PLD5: variants seen among roughly 807,000 people sequenced by gnomAD.
PLD5 encodes inactive phospholipase D5.
Under a neutral mutation model 61.1 loss-of-function variants are expected in PLD5, and 36 were observed. The observed-to-expected ratio is 0.59, with a 90% confidence interval of 0.45 to 0.78. PLD5 has a LOEUF of 0.78. PLD5 is among the 30% of genes least tolerant of loss of function. The probability of loss-of-function intolerance (pLI) is 0.00; values close to 1 mark genes in which losing one functional copy is unlikely to be tolerated. For missense variants in PLD5, 515 were observed against 644.4 expected (o/e 0.80, Z 2.17); for synonymous variants, 243 against 242.8 (o/e 1.00, Z -0.01).
chr1:242,373,306 G>T (rs1296486043), intron 1 of PLD5, among the ~76,000 whole-genome samples: 2 of 152,186 alleles, frequency 1.3e-5, no homozygotes, highest in Non-Finnish European at 2.9e-5. Flanking sequence ...AACAACAGGT[G>T]CTGGAGAGGA....
chr1:242,374,254 A>G (rs965699028), intron 1 of PLD5, among the ~76,000 whole-genome samples: 3 of 152,200 alleles, frequency 2.0e-5, no homozygotes, highest in African/African-American at 7.2e-5. Flanking sequence ...ACACAGAATA[A>G]GTTATTAGAA....
chr1:242,427,952 C>A (rs2102883571), intron 1 of PLD5, among the ~76,000 whole-genome samples: 1 of 152,248 alleles, frequency 6.6e-6, no homozygotes, highest in African/African-American at 2.4e-5. Flanking sequence ...ATGGTAGGAC[C>A]AGGGAGGTTA....
chr1:242,448,458 C>A (rs190451958), intron 1 of PLD5, among the ~76,000 whole-genome samples: 2 of 152,306 alleles, frequency 1.3e-5, no homozygotes, highest in Admixed American at 6.5e-5. Flanking sequence ...CAGTAATAGG[C>A]TTTATCTTCT....
chr1:242,495,557 A>G (rs1315453137), intron 1 of PLD5, among the ~76,000 whole-genome samples: 1 of 152,186 alleles, frequency 6.6e-6, no homozygotes, highest in Non-Finnish European at 1.5e-5. Context: ...TTTCTATTTT[A>G]GAACGTCTTT....
chr1:242,177,466 G>A (rs1177980673), intron 5 of PLD5, among the ~76,000 whole-genome samples: 1 of 152,116 alleles, frequency 6.6e-6, no homozygotes, highest in East Asian at 1.9e-4. Context: ...CCTAATGTAG[G>A]TGACGGGTTG....
chr1:242,302,945 T>C (rs1229220603), intron 2 of PLD5, among the ~76,000 whole-genome samples: 2 of 152,040 alleles, frequency 1.3e-5, no homozygotes, highest in South Asian at 4.1e-4. Context: ...AAAAGTAGAG[T>C]CTGGACATGG....
At chr1:242,186,506 T>A (rs1412527929) in intron 5 of PLD5, among the ~76,000 whole-genome samples, 1 of 152,136 alleles carries the variant, frequency 6.6e-6, no homozygotes, top group South Asian at 2.1e-4. Flanking sequence ...ATATATTTTT[T>A]TTAAAGTTTC....
intron 1 of PLD5, among the ~76,000 whole-genome samples, chr1:242,438,345 C>T (rs1666104221): frequency 6.6e-6 from 1 of 151,028 alleles, no homozygotes; most frequent in Non-Finnish European, 1.5e-5. Context: ...CTCACTGCAA[C>T]CTCTGCCTCC....
intron 1 of PLD5, among the ~76,000 whole-genome samples, chr1:242,385,376 T>C (rs991513029): frequency 1.3e-5 from 2 of 152,166 alleles, no homozygotes; most frequent in Non-Finnish European, 2.9e-5. Context: ...CCTAGATCGA[T>C]TGTATTACCA....
intron 3 of PLD5, among the ~76,000 whole-genome samples, chr1:242,274,711 G>A (rs921148620): frequency 9.2e-5 from 14 of 151,832 alleles, no homozygotes; most frequent in East Asian, 1.9e-4. Flanking sequence ...CTGAGATCGC[G>A]CCACTGCACT....
intron 5 of PLD5, among the ~76,000 whole-genome samples, chr1:242,216,115 GA>G (rs1670179538): frequency 2.6e-5 from 4 of 152,122 alleles, no homozygotes; most frequent in African/African-American, 7.2e-5. Flanking sequence ...TCCTTGATTG[GA>G]AAAGAATGTT....
intron 2 of PLD5, among the ~76,000 whole-genome samples, chr1:242,326,322 G>A (rs1034453609): frequency 8.6e-5 from 13 of 151,714 alleles, no homozygotes; most frequent in African/African-American, 2.9e-4. Context: ...TACTGCGGCT[G>A]CTAAGTATAT....
intron 5 of PLD5, among the ~76,000 whole-genome samples, chr1:242,147,143 T>C (rs902744064): frequency 2.0e-5 from 3 of 152,276 alleles, no homozygotes; most frequent in East Asian, 1.9e-4. Context: ...GCCCCTAAAA[T>C]TCCCCCATGC....
At chr1:242,415,855 G>T (rs1664810044) in intron 1 of PLD5, among the ~76,000 whole-genome samples, 2 of 152,104 alleles carry the variant, frequency 1.3e-5, no homozygotes, top group African/African-American at 2.4e-5. Flanking sequence ...GAATGAAATG[G>T]TCAAGAATGG....
At chr1:242,141,594 T>C (rs1664179241) in intron 5 of PLD5, among the ~76,000 whole-genome samples, 1 of 152,118 alleles carries the variant, frequency 6.6e-6, no homozygotes, top group South Asian at 2.1e-4. Context: ...TTTCAGAATG[T>C]GTTTTTACGT....
chr1:242,412,295 G>A (rs1664600169), intron 1 of PLD5, among the ~76,000 whole-genome samples: 1 of 152,182 alleles, frequency 6.6e-6, no homozygotes, highest in Non-Finnish European at 1.5e-5. Flanking sequence ...AGGGTTTGGG[G>A]TCCCCTTGGT....
Position 242,089,763 on chromosome 1 carries a change from A to C in PLD5, c.*91T>G. 1 of 1,510,308 alleles carries C rather than the reference A, an allele frequency of 6.6e-7. No homozygotes were observed. Among genetic ancestry groups the C allele is most frequent in the Non-Finnish European group, 9.0e-7 (1 of 1,107,246 alleles). The allele number at this position is 1,510,308 out of a possible 1,614,324, so 93.6% of individuals were successfully genotyped here. Reference sequence around the variant, plus strand: ...TTTATAAGTGTGCTTTTTCCCTAAAAAAAGAGACATATTAAAGTGTTTTTT... The same window carrying C: ...TTTATAAGTGTGCTTTTTCCCTAAACAAAGAGACATATTAAAGTGTTTTTT... On this transcript the variant is annotated 3_prime_UTR_variant, in exon 10 of 10. Transcript: ENST00000536534.
At chr1:242,466,518 C>T (rs1260345162) in intron 1 of PLD5, among the ~76,000 whole-genome samples, 1 of 152,154 alleles carries the variant, frequency 6.6e-6, no homozygotes, top group Non-Finnish European at 1.5e-5. Context: ...TTTGCAACAA[C>T]ATGGATGAAC....
intron 5 of PLD5, among the ~76,000 whole-genome samples, chr1:242,162,103 T>G (rs1419158892): frequency 1.3e-5 from 2 of 152,142 alleles, no homozygotes; most frequent in African/African-American, 4.8e-5. Context: ...AAGTTGACAT[T>G]TATTCAATTA....
Sources: allele counts gnomAD v4.1 joint callset (sites outside exome capture counted in the v4.1 genomes callset), GRCh38; gene constraint gnomAD v4.1.1; transcripts MANE v1.5; gene names NCBI Gene and HGNC (gene_info 2026-07-23, HGNC 2026-07-21).